RYR1: variants seen among roughly 807,000 people sequenced by gnomAD.
RYR1 encodes the protein central core disease of muscle.
In RYR1, 342 loss-of-function variants were observed where a neutral mutation model predicts 583.5. That is an observed-to-expected ratio of 0.59 (90% CI 0.54 to 0.64). The LOEUF is 0.64. RYR1 is among the 30% of genes least tolerant of loss of function. The pLI, the probability that RYR1 is intolerant of heterozygous loss-of-function variation, is 0.00. For missense variants in RYR1, 6,032 were observed against 6,917.2 expected (o/e 0.87, Z 4.54); for synonymous variants, 2,791 against 2,822.5 (o/e 0.99, Z 0.35).
At chr19:38,567,670 T>C in intron 92 of RYR1, 103 bp from the exon 93 acceptor site, 1 of 1,569,390 alleles carries the variant, frequency 6.4e-7, no homozygotes, top group Non-Finnish European at 8.8e-7. Flanking sequence ...CATCCAAACC[T>C]GGGCCAGGCA....
At chr19:38,528,067 G>A in intron 73 of RYR1, 2 of 625,248 alleles carry the variant, frequency 3.2e-6, no homozygotes, top group African/African-American at 1.8e-5. Context: ...TGGGTGGGTC[G>A]TAGAATTGGT....
intron 38 of RYR1, among the ~76,000 whole-genome samples, chr19:38,493,565 GAT>G (rs1462922573): frequency 6.7e-6 from 1 of 148,154 alleles, no homozygotes; most frequent in African/African-American, 2.5e-5. Flanking sequence ...GCCCAGGCTA[GAT>G]AGAGTGCAGT....
chr19:38,459,483 A>G, intron 19 of RYR1, 145 bp downstream of exon 19: 1 of 768,044 alleles, frequency 1.3e-6, no homozygotes, highest in Non-Finnish European at 2.2e-6. Flanking sequence ...CCCTTACTTG[A>G]AGATCCCAGG....
chr19:38,458,932 A>C (rs2145412660), intron 18 of RYR1, among the ~76,000 whole-genome samples: 1 of 152,202 alleles, frequency 6.6e-6, no homozygotes, highest in South Asian at 2.1e-4. Flanking sequence ...AGGAGGATTT[A>C]ATCTCTGGCC....
At chr19:38,532,409 C>A in intron 76 of RYR1, 81 bp from the exon 77 acceptor site, 1 of 1,422,578 alleles carries the variant, frequency 7.0e-7, no homozygotes, top group Non-Finnish European at 9.9e-7. Context: ...AGGCATGAGC[C>A]ACCGCACCCT....
At chr19:38,548,107 G>T (rs1972509801) in intron 88 of RYR1, 126 bp from the exon 89 acceptor site, 1 of 1,006,278 alleles carries the variant, frequency 9.9e-7, no homozygotes, top group Non-Finnish European at 1.5e-6. Flanking sequence ...ACCTGTGGAG[G>T]GGAGGCTGTG....
intron 73 of RYR1, 36 bp downstream of exon 73, chr19:38,527,820 C>T: frequency 6.2e-7 from 1 of 1,610,684 alleles, no homozygotes; most frequent in Non-Finnish European, 8.5e-7. Context: ...TACTGGGTCT[C>T]TGGGCGGAGC....
In RYR1 at chr19:38,543,697, G is replaced by T. The variant is rs2145775910; in HGVS notation, c.11907+37G>T. The T allele has an allele frequency of 6.2e-7, 1 of 1,611,934 alleles. No individual in the cohort carries two copies. The highest frequency in any genetic ancestry group is 1.7e-5 in the Admixed American group (1 of 60,022). ...CCCCTGGGGCGGGAGTGGGAAGGGA[G>T]GGGGTCCCGCATCGTGATCCCTGAT... On this transcript the variant is annotated intron_variant, in intron 86 of 105. Transcript: ENST00000359596. This position sits in a 1 kb window ranked among gnomAD's most constrained non-coding sequence, Gnocchi z 4.4.
At chr19:38,567,010 G>A (rs772999651) in intron 92 of RYR1, 23 bp downstream of exon 92, 31 of 1,568,060 alleles carry the variant, frequency 2.0e-5, no homozygotes, top group African/African-American at 6.8e-5. Flanking sequence ...GGGGCTGAGG[G>A]GCCTAGCCCC....
rs369312351 is a variant in RYR1 at position 38,496,813 on chromosome 19, C to T, written c.6797-47C>T. On this transcript the variant is annotated intron_variant, in intron 41 of 105. Coordinates refer to ENST00000359596, the MANE Select transcript of RYR1 (RefSeq NM_000540.3). The surrounding 1 kb of genome is among the most constrained non-coding windows in gnomAD (Gnocchi z 4.8). ...GTCAGGGAGGGCTTCCCAGAGGAGG[C>T]GAGACAAGCAGGAGTGAGATGTTCT... The T allele has an allele frequency of 2.5e-4, 391 of 1,553,208 alleles. 1 individual carries two copies. The highest frequency in any genetic ancestry group is 3.3e-4 in the Non-Finnish European group (367 of 1,125,628).
At chr19:38,503,597 A>T (rs1451566574) in intron 49 of RYR1, among the ~76,000 whole-genome samples, 1 of 152,022 alleles carries the variant, frequency 6.6e-6, no homozygotes, top group East Asian at 1.9e-4. Flanking sequence ...ACATGGCGAA[A>T]CCCCATCTCT....
rs140729728 is a variant in RYR1 at position 38,496,251 on chromosome 19, G to A, written c.6585G>A (p.Pro2195=). ...IMNNKVFYQH[P]NLMRALGMHE... ...ACAACAAAGTCTTCTACCAACACCC[G>A]AACCTGATGAGGGCGCTGGGCATGC... is the stretch of plus-strand genomic sequence containing the variant. The change falls in exon 40 of 106, where the codon CCG becomes CCA. Residue 2195 remains proline, a synonymous_variant. Transcript: ENST00000359596. This position sits in a 1 kb window ranked among gnomAD's most constrained non-coding sequence, Gnocchi z 4.8. The A allele has an allele frequency of 9.2e-5, 148 of 1,613,860 alleles. No homozygotes were observed. In the African/African-American group the frequency reaches 1.5e-3, roughly 17 times the overall value.
At chr19:38,579,298 G>T (rs575789069) in intron 99 of RYR1, among the ~76,000 whole-genome samples, 1 of 151,400 alleles carries the variant, frequency 6.6e-6, no homozygotes, top group Non-Finnish European at 1.5e-5. Flanking sequence ...GGTGACCCAC[G>T]CCTGTGGTCC....
At chr19:38,461,936 T>G (rs1967774627) in intron 20 of RYR1, among the ~76,000 whole-genome samples, 1 of 151,800 alleles carries the variant, frequency 6.6e-6, no homozygotes, top group Non-Finnish European at 1.5e-5. Flanking sequence ...GCACCTGTAA[T>G]CCCAGCTACT....
Position 38,570,677 on chromosome 19 carries a change from T to C in RYR1, c.13730T>C (p.Ile4577Thr). Residue 4577 changes from isoleucine (I) to threonine (T), a missense_variant, in exon 94 of 106, where the codon ATC becomes ACC. Physicochemically the swap from Ile to Thr is moderately conservative, Grantham distance 89. This residue lies in a region of RYR1 where 35 missense variants were observed against 66.0 expected (regional missense o/e 0.53). Coordinates refer to ENST00000359596, the MANE Select transcript of RYR1 (RefSeq NM_000540.3). Reference protein sequence around the residue: ...ALFLAFAINFILLFYKVSDSP... With the variant: ...ALFLAFAINFTLLFYKVSDSP... ...TTCTTGGCATTTGCCATCAACTTCA[T>C]CTTGCTGTTTTATAAGGTGCTGGTC... The C allele has an allele frequency of 6.2e-7, 1 of 1,613,930 alleles. No individual in the cohort carries two copies. The highest frequency in any genetic ancestry group is 8.5e-7 in the Non-Finnish European group (1 of 1,179,860).
chr19:38,441,769 G>A (rs1008148509), intron 2 of RYR1, among the ~76,000 whole-genome samples: 1 of 151,966 alleles, frequency 6.6e-6, no homozygotes, highest in Admixed American at 6.6e-5. Flanking sequence ...GAGCGAGTGG[G>A]GTCTGAGGAG....
rs764831785 is a variant in RYR1, at chr19:38,499,251, G to A, written c.7027+8G>A. 4.3e-6 allele frequency: 7 copies of A among 1,614,086 alleles called. No homozygotes were observed. Among genetic ancestry groups the A allele is most frequent in the African/African-American group, 1.3e-5 (1 of 74,938 alleles). ...TTGCTGTCTTCGTCAACGGTGAGGA[G>A]GGGGTGGCAGTGGCAGAGCGGGAAG... is the stretch of plus-strand genomic sequence containing the variant. On this transcript the variant is annotated splice_region_variant and intron_variant, in intron 43 of 105. Coordinates refer to ENST00000359596, the MANE Select transcript of RYR1 (RefSeq NM_000540.3). The surrounding 1 kb of genome is among the most constrained non-coding windows in gnomAD (Gnocchi z 7.3).
In RYR1 at chr19:38,440,726, C is replaced by T. The variant is rs1464965820; in HGVS notation, c.46-19C>T. On this transcript the variant is annotated intron_variant, in intron 1 of 105. Coordinates refer to ENST00000359596, the MANE Select transcript of RYR1 (RefSeq NM_000540.3). Reference sequence around the variant, plus strand: ...TCCGGGCCAGGCCCCCCTGGAGACGCTGCCCCTCGGTTCCGCAGGACGATG... The same window carrying T: ...TCCGGGCCAGGCCCCCCTGGAGACGTTGCCCCTCGGTTCCGCAGGACGATG... 11 of 1,604,010 alleles carry T rather than the reference C, an allele frequency of 6.9e-6. No homozygotes were observed. The highest frequency in any genetic ancestry group is 3.3e-5 in the South Asian group (3 of 90,702).
rs768008924 is a variant in RYR1 at position 38,502,502 on chromosome 19, C to T, written c.7615-5C>T. On this transcript the variant is annotated splice_polypyrimidine_tract_variant and splice_region_variant and intron_variant, in intron 47 of 105. Coordinates refer to ENST00000359596, the MANE Select transcript of RYR1 (RefSeq NM_000540.3). ...CGGGCCTGATGTCCTCACCCTGCGC[C>T]CTAGGCCACTTTCAGCACCACCGAG... 15 of 1,590,682 alleles carry T rather than the reference C, an allele frequency of 9.4e-6. No individual in the cohort carries two copies. The highest frequency in any genetic ancestry group is 5.7e-5 in the African/African-American group (4 of 69,794).
Sources: gnomAD v4.1 joint callset for allele counts (sites outside exome capture counted in the v4.1 genomes callset) on GRCh38, gnomAD v4.1.1 for gene constraint, gnomAD v4.1.1 regional missense constraint, Gnocchi (gnomAD v3.1) non-coding constraint, MANE v1.5 for transcripts, NCBI Gene and HGNC (gene_info 2026-07-23, HGNC 2026-07-21) for gene names.